Variants in COG6 observed in about 807,000 individuals in gnomAD.
COG6 encodes the protein component of oligomeric golgi complex 6.
Under a neutral mutation model 88.8 loss-of-function variants are expected in COG6, and 74 were observed. The observed-to-expected ratio is 0.83, with a 90% CI of 0.69 to 1.01. The LOEUF (loss-of-function observed/expected upper bound fraction) is 1.01. COG6 is among the 50% of genes least tolerant of loss of function. The pLI, the probability that COG6 is intolerant of heterozygous loss-of-function variation, is 0.00. For synonymous variants in COG6, 286 were observed against 278.7 expected, an observed-to-expected ratio of 1.03 and a Z score of -0.26; for missense variants, 800 against 797.9, an observed-to-expected ratio of 1.00 and a Z score of -0.03.
chr13:39,687,492 G>A lies in COG6; in HGVS notation c.789-11G>A, dbSNP rs1028891053. The A allele has an allele frequency of 3.7e-6, 6 of 1,610,902 alleles. No individual in the cohort carries two copies. The highest frequency in any genetic ancestry group is 2.2e-5 in the South Asian group (2 of 90,982). Reference sequence around the variant, plus strand: ...ACCCCAACCATTTTTTATATAACTTGTTTCTTCTAGATATACCTTAGATGA... The same window carrying A: ...ACCCCAACCATTTTTTATATAACTTATTTCTTCTAGATATACCTTAGATGA... On this transcript the variant is annotated splice_polypyrimidine_tract_variant and intron_variant, in intron 8 of 18. Coordinates refer to ENST00000455146, the MANE Select transcript of COG6 (RefSeq NM_020751.3).
At chr13:39,684,690 TA>T (rs1876536459) in intron 8 of COG6, among the ~76,000 whole-genome samples, 1 of 152,220 alleles carries the variant, frequency 6.6e-6, no homozygotes, top group African/African-American at 2.4e-5. Flanking sequence ...GTAGTTTCCT[TA>T]CATTTAGGGA....
intron 13 of COG6, among the ~76,000 whole-genome samples, chr13:39,715,762 G>A (rs373005392): frequency 2.0e-5 from 3 of 152,016 alleles, no homozygotes; most frequent in Non-Finnish European, 4.4e-5. Context: ...TGAATTGACT[G>A]TTATTAACTG....
intron 18 of COG6, among the ~76,000 whole-genome samples, chr13:39,776,955 T>C (rs1307882214): frequency 6.6e-6 from 1 of 152,246 alleles, no homozygotes; most frequent in Non-Finnish European, 1.5e-5. Context: ...TCAGCTTTTC[T>C]CTCTTTAGTT....
intron 5 of COG6, 151 bp downstream of exon 5, chr13:39,677,730 T>G: frequency 1.8e-6 from 1 of 568,682 alleles, no homozygotes. Context: ...ATTTTAATTA[T>G]ATTTTTCAAA....
At chr13:39,742,035 T>C (rs983976416) in intron 18 of COG6, among the ~76,000 whole-genome samples, 1 of 152,094 alleles carries the variant, frequency 6.6e-6, no homozygotes, top group Admixed American at 6.6e-5. Flanking sequence ...ATAAAATCCT[T>C]TACAGACAAG....
rs1435697863 is a variant in COG6, at chr13:39,655,875, A to G, written c.149A>G (p.Asp50Gly). 1 of 1,607,028 alleles carries G rather than the reference A, an allele frequency of 6.2e-7. No individual in the cohort carries two copies. The highest frequency in any genetic ancestry group is 8.5e-7 in the Non-Finnish European group (1 of 1,177,872). Residue 50 changes from aspartate (D) to glycine (G), a missense_variant, in exon 1 of 19, where the codon GAC becomes GGC. Asp to Gly is a moderately conservative substitution (Grantham distance 94). Transcript: ENST00000455146. ...HKILETRLDN[D>G]KEMLEALKAL... is the part of the protein sequence containing the mutation. The stretch of plus-strand genomic sequence containing the variant: ...ATCCTGGAGACGCGGCTGGACAACG[A>G]CAAGGTAACCGGGGCTGGCGGGGCC...
chr13:39,706,939 C>T (rs555755646), intron 13 of COG6, among the ~76,000 whole-genome samples: 2 of 152,206 alleles, frequency 1.3e-5, no homozygotes, highest in African/African-American at 2.4e-5. Context: ...CCACCTCAGC[C>T]TCCCAAAGTG....
At chr13:39,658,340 CT>C (rs1874665362) in intron 1 of COG6, among the ~76,000 whole-genome samples, 2 of 151,698 alleles carry the variant, frequency 1.3e-5, no homozygotes, top group African/African-American at 4.8e-5. Flanking sequence ...AGATAGGGGT[CT>C]TACTATGTTA....
intron 18 of COG6, among the ~76,000 whole-genome samples, chr13:39,748,486 A>G (rs1880456183): frequency 6.6e-6 from 1 of 152,004 alleles, no homozygotes; most frequent in African/African-American, 2.4e-5. Flanking sequence ...ATGGTGGTGC[A>G]TGCCTGTAAT....
In COG6 at chr13:39,751,456, T is replaced by G. The variant is rs112634590; in HGVS notation, c.*363T>G. 2.7e-4 allele frequency: 344 copies of G among 1,257,652 alleles called. 1 individual carries two copies. The African/African-American group carries it at 4.5e-3, about 17-fold the overall frequency. 77.9% of individuals were successfully genotyped at this position (1,257,652 alleles called of 1,614,324 possible). On this transcript the variant is annotated 3_prime_UTR_variant, in exon 19 of 19. Coordinates refer to ENST00000455146, the MANE Select transcript of COG6 (RefSeq NM_020751.3). ...AGCTTATAAAAAATTTGTCTAAATT[T>G]AATAATTAGTATAAGGATATGACCT...
intron 18 of COG6, among the ~76,000 whole-genome samples, chr13:39,782,541 AG>A (rs1390023213): frequency 3.9e-5 from 6 of 152,190 alleles, no homozygotes; most frequent in Non-Finnish European, 7.4e-5. Context: ...ATCTTCAAGA[AG>A]TGCACCAGAA....
chr13:39,737,988 A>G (rs1168155307), intron 18 of COG6, among the ~76,000 whole-genome samples: 1 of 152,084 alleles, frequency 6.6e-6, no homozygotes. Context: ...TCCCTTCCAC[A>G]AGCACATAAA....
At chr13:39,684,407 G>T (rs375841759) in intron 8 of COG6, among the ~76,000 whole-genome samples, 1 of 150,644 alleles carries the variant, frequency 6.6e-6, no homozygotes, top group Non-Finnish European at 1.5e-5. Context: ...CCGCCACCTC[G>T]CCCGGCTAAT....
At position 39,773,240 on chromosome 13, in the gene COG6, A is replaced by T. The variant is rs1408796766; in HGVS notation, c.1827-15095A>T. On this transcript the variant is annotated intron_variant, in intron 18 of 18. Transcript: ENST00000416691. ...GGTGCAGGTCATTTGGGATATTTAC[A>T]AACACTTATTTCTTAGGAAGAGGCT... Among the ~76,000 whole-genome samples the T allele has an allele frequency of 5.9e-5, 9 of 152,318 alleles. 1 individual carries two copies. The South Asian group carries it at 1.7e-3, about 28-fold the overall frequency.
In COG6 at chr13:39,720,951, G is replaced by A. The variant is rs547471620; in HGVS notation, c.1584+1124G>A. On this transcript the variant is annotated intron_variant, in intron 15 of 18. Transcript: ENST00000455146. ...CAATGTAGCTATATTATAAATTTTGGTTAGATCAATGTTTTGTTAAATTAT... is the reference window on the plus strand; with the variant it reads ...CAATGTAGCTATATTATAAATTTTGATTAGATCAATGTTTTGTTAAATTAT... Among the ~76,000 whole-genome samples, 10 of 152,054 alleles carry A rather than the reference G, an allele frequency of 6.6e-5. No homozygotes were observed. In the South Asian group the frequency reaches 2.1e-3, roughly 32 times the overall value.
At chr13:39,778,777 G>A (rs1157641525) in intron 18 of COG6, among the ~76,000 whole-genome samples, 1 of 152,198 alleles carries the variant, frequency 6.6e-6, no homozygotes, top group African/African-American at 2.4e-5. Flanking sequence ...CCACTGCCAG[G>A]GTGGCTTATC....
intron 18 of COG6, among the ~76,000 whole-genome samples, chr13:39,745,885 A>G (rs1880316171): frequency 6.6e-6 from 1 of 152,202 alleles, no homozygotes; most frequent in East Asian, 1.9e-4. Context: ...CATATACACC[A>G]TAGAATACTA....
chr13:39,752,310 A>G lies in COG6; in HGVS notation c.*1217A>G. 1.2e-6 allele frequency: 1 copy of G among 835,316 alleles called. No homozygotes were observed. The highest frequency in any genetic ancestry group is 1.7e-5 in the South Asian group (1 of 60,222). 51.7% of individuals were successfully genotyped at this position (835,316 alleles called of 1,614,324 possible). On this transcript the variant is annotated 3_prime_UTR_variant, in exon 19 of 19. Transcript: ENST00000455146. ...GAAGATTATGTGTTGTATATAACAA[A>G]TTAGTATTTATAGAATATGACCTAT...
intron 18 of COG6, among the ~76,000 whole-genome samples, chr13:39,766,144 T>C (rs891470615): frequency 1.4e-4 from 21 of 152,198 alleles, no homozygotes; most frequent in Non-Finnish European, 2.9e-5. Flanking sequence ...TGCCCCTCCA[T>C]CTGCCTGTCA....
Sources: gnomAD v4.1 joint callset for allele counts (sites outside exome capture counted in the v4.1 genomes callset) on GRCh38, gnomAD v4.1.1 for gene constraint, MANE v1.5 for transcripts, NCBI Gene and HGNC (gene_info 2026-07-23, HGNC 2026-07-21) for gene names.